Variants in FUBP1 observed in about 807,000 individuals in gnomAD.
FUBP1 encodes the protein far upstream element-binding protein 1.
In FUBP1, 16 loss-of-function variants were observed where a neutral mutation model predicts 94.9. That is an observed-to-expected ratio of 0.17 (90% CI 0.11 to 0.26). The LOEUF is 0.26. Ranked by LOEUF, FUBP1 falls within the 10% of genes least tolerant of loss-of-function variation. The pLI, the probability that FUBP1 is intolerant of heterozygous loss-of-function variation, is 1.00. For synonymous variants in FUBP1, 279 were observed against 254.9 expected, an observed-to-expected ratio of 1.09 and a Z score of -0.90; for missense variants, 583 against 808.6, an observed-to-expected ratio of 0.72 and a Z score of 3.38.
chr1:77,961,111 T>TAA (rs1270438110), intron 14 of FUBP1, among the ~76,000 whole-genome samples: 7 of 152,222 alleles, frequency 4.6e-5, no homozygotes, highest in Non-Finnish European at 8.8e-5. Flanking sequence ...CCCTTTTTAA[T>TAA]TCCTTCAATA....
intron 17 of FUBP1, among the ~76,000 whole-genome samples, chr1:77,955,646 G>A (rs1056088631): frequency 2.0e-5 from 3 of 152,284 alleles, no homozygotes; most frequent in African/African-American, 7.2e-5. Context: ...AAAAGGAAAA[G>A]GCTTGAAAAC....
In FUBP1 at chr1:77,966,737, G is replaced by C. The variant is rs1468594111; in HGVS notation, c.430C>G (p.Pro144Ala). Residue 144 changes from proline (P) to alanine (A), a missense_variant, in exon 7 of 20, where the codon CCA becomes GCA. Transcript: ENST00000370768. ...CCAGTTAACATACAGGACCTTTCTG[G>C]AAGGCCACCACTGTCTACAATTTAA... ...IQIAPDSGGLPERSCMLTGTP... is the reference protein window; with the variant it reads ...IQIAPDSGGLAERSCMLTGTP... The C allele has an allele frequency of 6.4e-7, 1 of 1,574,480 alleles. No homozygotes were observed. The highest frequency in any genetic ancestry group is 8.7e-7 in the Non-Finnish European group (1 of 1,144,542).
At chr1:77,964,816 T>C in intron 9 of FUBP1, 54 bp downstream of exon 9, 4 of 1,483,940 alleles carry the variant, frequency 2.7e-6, no homozygotes, top group Non-Finnish European at 3.8e-6. Context: ...ATGCATATTT[T>C]GCCCAACCCC....
chr1:77,966,584 G>A, intron 7 of FUBP1, 110 bp downstream of exon 7: 1 of 670,084 alleles, frequency 1.5e-6, no homozygotes, highest in Non-Finnish European at 2.7e-6. Context: ...TTGAGGGAAG[G>A]TGGCAGCGAA....
At chr1:77,960,739 T>C in intron 14 of FUBP1, 1 of 402,738 alleles carries the variant, frequency 2.5e-6, no homozygotes. Flanking sequence ...TAAATTTAAA[T>C]TAGCAATTAA....
At chr1:77,962,749 A>G in intron 14 of FUBP1, 21 bp downstream of exon 14, 14 of 1,571,596 alleles carry the variant, frequency 8.9e-6, no homozygotes, top group Non-Finnish European at 1.0e-5. Flanking sequence ...ACTAAAAATT[A>G]AAAGTTTAAA....
At chr1:77,956,725 T>G (rs374181021) in intron 16 of FUBP1, 25 bp from the exon 17 acceptor site, 1 of 1,599,452 alleles carries the variant, frequency 6.3e-7, no homozygotes, top group South Asian at 1.1e-5. Flanking sequence ...AGTTCAAGGT[T>G]TGCATGTGAA....
chr1:77,971,776 A>C (rs556428260), intron 1 of FUBP1, among the ~76,000 whole-genome samples: 10 of 152,238 alleles, frequency 6.6e-5, no homozygotes, highest in African/African-American at 2.4e-4. Context: ...TGGGAGGCCA[A>C]GGCGGGCAGA....
At position 77,978,927 on chromosome 1, in the gene FUBP1, T is replaced by TCCTCCACCA; in HGVS notation, c.69_77dup (p.Gly24_Gly26dup). 6.2e-7 allele frequency: 1 copy of TCCTCCACCA among 1,613,516 alleles called. No individual in the cohort carries two copies. Among genetic ancestry groups the TCCTCCACCA allele is most frequent in the South Asian group, 1.1e-5 (1 of 91,064 alleles). ...GTGCATCTTTGAAAGCGTCGTTAAC[T>TCCTCCACCA]CCTCCACCACCACCGCCGCCACCAC... On this transcript the variant is annotated inframe_insertion, in exon 1 of 20. Transcript: ENST00000370768.
intron 7 of FUBP1, 102 bp downstream of exon 7, chr1:77,966,592 G>A (rs1023503300): frequency 3.0e-5 from 21 of 697,060 alleles, no homozygotes; most frequent in Non-Finnish European, 4.6e-5. Context: ...AGGTGGCAGC[G>A]AAACCACAGT....
rs2102564053 is a variant in FUBP1 at position 77,978,962 on chromosome 1, C to G, written c.43G>C (p.Ala15Pro). Residue 15 changes from alanine to proline, a missense_variant, in exon 1 of 20, where the codon GCT (alanine) becomes CCT (proline). Ala to Pro is a conservative substitution (Grantham distance 27, BLOSUM62 -1). Transcript: ENST00000370768. ...STVPPPSSGS[A>P]GGGGGGGGGG... is the part of the protein sequence containing the mutation. ...CCACCGCCGCCACCACCGCCACCAG[C>G]TGAGCCAGAAGAGGGGGGAGGCACT... 2 of 1,613,840 alleles carry G rather than the reference C, an allele frequency of 1.2e-6. No homozygotes were observed. The highest frequency in any genetic ancestry group is 1.7e-6 in the Non-Finnish European group (2 of 1,179,826).
At chr1:77,977,448 G>A (rs1658862748) in intron 1 of FUBP1, among the ~76,000 whole-genome samples, 1 of 152,122 alleles carries the variant, frequency 6.6e-6, no homozygotes, top group Admixed American at 6.5e-5. Flanking sequence ...ATTGCTTGAA[G>A]CCGGGAGGCA....
In FUBP1 at chr1:77,944,362, A is replaced by G. The variant is rs996104008; in HGVS notation, c.*4404T>C. The G allele has an allele frequency of 2.0e-5, 4 of 199,430 alleles. No homozygotes were observed. The highest frequency in any genetic ancestry group is 4.2e-5 in the Non-Finnish European group (4 of 96,260). The allele number at this position is 199,430 out of a possible 1,614,324, so 12.4% of individuals were successfully genotyped here. ...TGCGCAAATACATTTAAGAGTTTCT[A>G]TAGGGGTATCACTGAAGAAAATAAA... is the stretch of plus-strand genomic sequence containing the variant. On this transcript the variant is annotated 3_prime_UTR_variant, in exon 20 of 20. Transcript: ENST00000370768.
At chr1:77,952,510 T>C (rs959153046) in intron 18 of FUBP1, among the ~76,000 whole-genome samples, 1 of 152,108 alleles carries the variant, frequency 6.6e-6, no homozygotes, top group East Asian at 1.9e-4. Flanking sequence ...GGCACTAGGA[T>C]GGGGAATCAG....
chr1:77,970,412 A>G (rs761304453), intron 1 of FUBP1, among the ~76,000 whole-genome samples: 11 of 152,366 alleles, frequency 7.2e-5, no homozygotes, highest in Admixed American at 1.3e-4. Context: ...GCCACTAGCC[A>G]TATGTGGTTA....
chr1:77,956,821 A>G (rs1395940746), intron 16 of FUBP1, 121 bp from the exon 17 acceptor site: 2 of 572,718 alleles, frequency 3.5e-6, no homozygotes, highest in East Asian at 3.0e-5. Flanking sequence ...TAACTAGAAC[A>G]TTAAAAAAAG....
chr1:77,962,267 G>A lies in FUBP1; in HGVS notation c.1344+503C>T, dbSNP rs77468506. Among the ~76,000 whole-genome samples the A allele has an allele frequency of 7.9e-5, 12 of 152,236 alleles. No homozygotes were observed. The East Asian group carries it at 2.1e-3, about 27-fold the overall frequency. On this transcript the variant is annotated intron_variant, in intron 14 of 19. Coordinates refer to ENST00000370768, the MANE Select transcript of FUBP1 (RefSeq NM_003902.5). ...ATCCCAGACATTTTGAGTCAGGTCT[G>A]TCTCTGTATATTATGTGTAGGAGTG...
chr1:77,972,227 A>C (rs1015352533), intron 1 of FUBP1, among the ~76,000 whole-genome samples: 1 of 152,124 alleles, frequency 6.6e-6, no homozygotes, highest in Non-Finnish European at 1.5e-5. Context: ...CTGGGTATCG[A>C]CAGGCACTAA....
chr1:77,950,267 T>G (rs1380024984), intron 18 of FUBP1, among the ~76,000 whole-genome samples: 1 of 152,154 alleles, frequency 6.6e-6, no homozygotes, highest in South Asian at 2.1e-4. Flanking sequence ...GCTCAGGTGA[T>G]CCTCCCACCT....
Sources: gnomAD v4.1 joint callset for allele counts (sites outside exome capture counted in the v4.1 genomes callset) on GRCh38, gnomAD v4.1.1 for gene constraint, MANE v1.5 for transcripts, NCBI Gene and HGNC (gene_info 2026-07-23, HGNC 2026-07-21) for gene names.